The following MYLK variants were observed in gnomAD, a reference collection of about 807,000 sequenced individuals.
MYLK encodes the protein myosin light chain kinase, smooth muscle.
Under a neutral mutation model 203.4 loss-of-function variants are expected in MYLK, and 106 were observed. The ratio of observed to expected loss-of-function variants is 0.52; its 90% CI spans 0.45 to 0.61. The LOEUF (loss-of-function observed/expected upper bound fraction) is 0.61. Among genes scored for constraint, MYLK ranks in the 20% least tolerant of loss-of-function variants. The pLI, the probability that MYLK is intolerant of heterozygous loss-of-function variation, is 0.00. For synonymous variants in MYLK, 867 were observed against 959.5 expected, an observed-to-expected ratio of 0.90 and a Z score of 1.78; for missense variants, 2,072 against 2,442.3, an observed-to-expected ratio of 0.85 and a Z score of 3.20.
intron 1 of MYLK, among the ~76,000 whole-genome samples, chr3:123,882,777 A>G (rs1464956097): frequency 1.3e-5 from 2 of 152,090 alleles, no homozygotes; most frequent in Non-Finnish European, 2.9e-5. Context: ...AGAGTGGGAG[A>G]AAAAGGGGTA....
chr3:123,677,485 C>A (rs1303095449), intron 20 of MYLK, among the ~76,000 whole-genome samples: 2 of 152,086 alleles, frequency 1.3e-5, no homozygotes, highest in Non-Finnish European at 2.9e-5. Context: ...ATTTCTGTCT[C>A]CCCATGCCCT....
At chr3:123,617,656 G>A (rs1277570158) in intron 33 of MYLK, 1 of 152,220 alleles carries the variant, frequency 6.6e-6, no homozygotes, top group Non-Finnish European at 1.5e-5. Flanking sequence ...CCTCGGGAAA[G>A]TTGCCTAATA....
intron 29 of MYLK, among the ~76,000 whole-genome samples, chr3:123,637,462 C>G (rs2058682018): frequency 6.6e-6 from 1 of 152,204 alleles, no homozygotes; most frequent in Admixed American, 6.5e-5. Flanking sequence ...CTGGCCTCCC[C>G]TCTCCTGCAT....
Position 123,696,069 on chromosome 3 carries a change from T to TC in MYLK, c.3449-3219dup, listed in dbSNP as rs545733415. Among the ~76,000 whole-genome samples, 39 of 152,306 alleles carry TC rather than the reference T, an allele frequency of 2.6e-4. No individual in the cohort carries two copies. In the South Asian group the frequency reaches 6.2e-3, roughly 24 times the overall value. On this transcript the variant is annotated intron_variant, in intron 18 of 33. Coordinates refer to ENST00000360304, the MANE Select transcript of MYLK (RefSeq NM_053025.4). ...TGCCACAAATCAACTAGTGGTGAAC[T>TC]CTAGCCCATGGCTGTCAAACCTCTT...
intron 2 of MYLK, among the ~76,000 whole-genome samples, chr3:123,833,133 G>A (rs1053039666): frequency 6.6e-6 from 1 of 152,136 alleles, no homozygotes; most frequent in African/African-American, 2.4e-5. Context: ...AGTGTCAGCA[G>A]AAAGTTCATT....
chr3:123,882,521 A>C (rs978480600), intron 1 of MYLK, among the ~76,000 whole-genome samples: 4 of 152,250 alleles, frequency 2.6e-5, no homozygotes, highest in Non-Finnish European at 5.9e-5. Flanking sequence ...AACATGGGAG[A>C]TAAACCAGCA....
Position 123,738,916 on chromosome 3 carries a change from G to T in MYLK, c.569C>A (p.Pro190Gln). Residue 190 changes from proline (P) to glutamine (Q), a missense_variant, in exon 7 of 34, where the codon CCG (proline) becomes CAG (glutamine). Coordinates refer to ENST00000360304, the MANE Select transcript of MYLK (RefSeq NM_053025.4). ...FSCKITGRPQ[P>Q]QVTWLKGNVP... ...CCTCACCTTGAGCCAGGTGACCTGCGGTTGGGGCCGGCCAGTGATCTTGCA... is the reference window on the plus strand; with the variant it reads ...CCTCACCTTGAGCCAGGTGACCTGCTGTTGGGGCCGGCCAGTGATCTTGCA... 3 of 1,611,654 alleles carry T rather than the reference G, an allele frequency of 1.9e-6. No individual in the cohort carries two copies. The highest frequency in any genetic ancestry group is 2.5e-6 in the Non-Finnish European group (3 of 1,178,886).
At chr3:123,795,861 G>A (rs1259130143) in intron 3 of MYLK, among the ~76,000 whole-genome samples, 2 of 152,214 alleles carry the variant, frequency 1.3e-5, no homozygotes, top group Non-Finnish European at 2.9e-5. Context: ...CTGTGAGTCA[G>A]GTAAACTGAC....
At chr3:123,734,254 G>GGGGGC in intron 9 of MYLK, 32 bp from the exon 10 acceptor site, 1 of 1,066,862 alleles carries the variant, frequency 9.4e-7, no homozygotes, top group Non-Finnish European at 1.3e-6. Flanking sequence ...GGTAGGGTGG[G>GGGGGC]TGAGGAGAGG....
intron 8 of MYLK, among the ~76,000 whole-genome samples, chr3:123,737,088 G>A (rs750958529): frequency 5.3e-5 from 8 of 152,100 alleles, no homozygotes; most frequent in Non-Finnish European, 1.2e-4. Flanking sequence ...GCGTGGTGGT[G>A]TGTGCCTGTA....
chr3:123,784,358 G>A (rs1482690565), intron 4 of MYLK, among the ~76,000 whole-genome samples: 2 of 149,902 alleles, frequency 1.3e-5, no homozygotes, highest in Non-Finnish European at 2.9e-5. Context: ...TGCCAAATAC[G>A]GCTCATGGGT....
Position 123,648,826 on chromosome 3 carries a change from TC to T in MYLK, c.4415+144del. ...GGTGAGTGAGTGATGCTTTCGTGGG[TC>T]AGTCCTTTGGATCCTGCAGGACTCT... On this transcript the variant is annotated intron_variant, in intron 26 of 33. Coordinates refer to ENST00000360304, the MANE Select transcript of MYLK (RefSeq NM_053025.4). The surrounding 1 kb of genome is among the most constrained non-coding windows in gnomAD (Gnocchi z 4.5). The T allele has an allele frequency of 1.3e-6, 1 of 742,932 alleles. No homozygotes were observed. The highest frequency in any genetic ancestry group is 2.4e-6 in the Non-Finnish European group (1 of 421,614). The allele number at this position is 742,932 out of a possible 1,614,324, so 46.0% of individuals were successfully genotyped here.
intron 2 of MYLK, among the ~76,000 whole-genome samples, chr3:123,859,415 A>T (rs1260768268): frequency 1.3e-5 from 2 of 152,222 alleles, no homozygotes; most frequent in Non-Finnish European, 2.9e-5. Context: ...ACTCATCCTA[A>T]TCACACCTCC....
At chr3:123,634,667 G>A (rs563302079) in intron 29 of MYLK, among the ~76,000 whole-genome samples, 17 of 152,336 alleles carry the variant, frequency 1.1e-4, no homozygotes, top group Non-Finnish European at 2.1e-4. Flanking sequence ...TCTGGCTTGA[G>A]GGAGGCTGGG....
In MYLK at chr3:123,624,355, T is replaced by C. The variant is rs570911427; in HGVS notation, c.5238+2463A>G. On this transcript the variant is annotated intron_variant, in intron 31 of 33. Transcript: ENST00000360304. Reference sequence around the variant, plus strand: ...AAAAAAAAAAAAAAATCAGCACCACTATGATTCCCTGACTGATTTAACTGA... The same window carrying C: ...AAAAAAAAAAAAAAATCAGCACCACCATGATTCCCTGACTGATTTAACTGA... The C allele has an allele frequency of 1.6e-3, 234 of 150,794 alleles. 2 individuals are homozygous for C. The highest frequency in any genetic ancestry group is 5.6e-3 in the African/African-American group (229 of 40,818). 9.3% of individuals were successfully genotyped at this position (150,794 alleles called of 1,614,324 possible). A position where few individuals can be genotyped will look rare whatever the true frequency, so the allele number is the denominator to read the frequency against.
rs2062595715 is a variant in MYLK at position 123,734,184 on chromosome 3, A to G, written c.812T>C (p.Val271Ala). 1 of 1,548,986 alleles carries G rather than the reference A, an allele frequency of 6.5e-7. No individual in the cohort carries two copies. The highest frequency in any genetic ancestry group is 1.4e-5 in the African/African-American group (1 of 72,504). The change falls in exon 10 of 34, where the codon GTC becomes GCC. Residue 271 changes from valine to alanine, a missense_variant. Coordinates refer to ENST00000360304, the MANE Select transcript of MYLK (RefSeq NM_053025.4). Reference protein sequence around the residue: ...VRETKATNSDVRKEVTNVISK... With the variant: ...VRETKATNSDARKEVTNVISK... ...GATTACATTGGTCACCTCTTTCCTG[A>G]CATCTGAATTGGTGGCTTTTGTTTC...
At chr3:123,874,138 A>G (rs1055498129) in intron 2 of MYLK, among the ~76,000 whole-genome samples, 4 of 152,186 alleles carry the variant, frequency 2.6e-5, no homozygotes, top group African/African-American at 4.8e-5. Flanking sequence ...GCAGATGCCA[A>G]CAAGATGATT....
At position 123,700,374 on chromosome 3, in the gene MYLK, C is replaced by G; in HGVS notation, c.3094G>C (p.Ala1032Pro). ...TTGCCCATTGGCTTCAGGGTCTCAG[C>G]AGGCTTGGCGTTGCCCACGGGTTTC... ...PLKPVGNAKP[A>P]ETLKPMGNAK... The change falls in exon 18 of 34, where the codon GCT (alanine) becomes CCT (proline). Residue 1032 changes from alanine to proline, a missense_variant. Ala to Pro is a conservative substitution (Grantham distance 27). Around this residue, in one of 3 missense-constraint regions of MYLK, gnomAD observed 865 missense variants for 1,016.0 expected, o/e 0.85. Coordinates refer to ENST00000360304, the MANE Select transcript of MYLK (RefSeq NM_053025.4). The G allele has an allele frequency of 1.2e-6, 2 of 1,613,768 alleles. No homozygotes were observed. Among genetic ancestry groups the G allele is most frequent in the African/African-American group, 1.3e-5 (1 of 74,878 alleles).
intron 2 of MYLK, among the ~76,000 whole-genome samples, chr3:123,847,740 T>G (rs1326646545): frequency 6.6e-6 from 1 of 152,140 alleles, no homozygotes; most frequent in East Asian, 1.9e-4. Flanking sequence ...CATCCTTCTA[T>G]TCCTTTCACA....
Sources: gnomAD v4.1 joint callset for allele counts (sites outside exome capture counted in the v4.1 genomes callset) on GRCh38, gnomAD v4.1.1 for gene constraint, gnomAD v4.1.1 regional missense constraint, Gnocchi (gnomAD v3.1) non-coding constraint, MANE v1.5 for transcripts, NCBI Gene and HGNC (gene_info 2026-07-23, HGNC 2026-07-21) for gene names.